The following FBXL7 variants were observed in gnomAD, a reference collection of about 807,000 sequenced individuals.
The protein encoded by FBXL7 is F-box/LRR-repeat protein 7.
In FBXL7, 12 loss-of-function variants were observed where a neutral mutation model predicts 38.3. The observed-to-expected ratio is 0.31, with a 90% CI of 0.20 to 0.51. The LOEUF (loss-of-function observed/expected upper bound fraction) is 0.51, where lower values mean the gene tolerates loss of function less well. FBXL7 is among the 20% of genes least tolerant of loss of function. The pLI, the probability that FBXL7 is intolerant of heterozygous loss-of-function variation, is 0.98. For missense variants in FBXL7, 567 were observed against 676.4 expected (o/e 0.84, Z 1.79); for synonymous variants, 297 against 300.9 (o/e 0.99, Z 0.13).
chr5:15,630,418 T>A (rs928191595), intron 2 of FBXL7, among the ~76,000 whole-genome samples: 2 of 152,170 alleles, frequency 1.3e-5, no homozygotes, highest in African/African-American at 4.8e-5. Flanking sequence ...ATTGGAGAAG[T>A]AACTTTCATT....
intron 2 of FBXL7, among the ~76,000 whole-genome samples, chr5:15,812,213 C>G (rs150320775): frequency 3.3e-5 from 5 of 152,232 alleles, no homozygotes; most frequent in Admixed American, 2.6e-4. Context: ...TGGAAACCAT[C>G]ATTCTCAGCA....
intron 3 of FBXL7, among the ~76,000 whole-genome samples, chr5:15,934,025 G>A (rs1742111248): frequency 6.6e-6 from 1 of 152,136 alleles, no homozygotes; most frequent in Non-Finnish European, 1.5e-5. Context: ...TCTATTTTGA[G>A]ATCAAGTCTT....
intron 2 of FBXL7, among the ~76,000 whole-genome samples, chr5:15,885,752 A>G (rs1740649868): frequency 6.6e-6 from 1 of 152,078 alleles, no homozygotes; most frequent in Non-Finnish European, 1.5e-5. Flanking sequence ...TCACTCTTCC[A>G]TCCAGGCAGG....
At chr5:15,882,092 A>G (rs966706499) in intron 2 of FBXL7, among the ~76,000 whole-genome samples, 3 of 152,148 alleles carry the variant, frequency 2.0e-5, no homozygotes, top group Admixed American at 2.0e-4. Context: ...CACTATCGTG[A>G]CGACAGCACC....
chr5:15,796,820 A>G (rs2126736839), intron 2 of FBXL7, among the ~76,000 whole-genome samples: 1 of 152,304 alleles, frequency 6.6e-6, no homozygotes, highest in South Asian at 2.1e-4. Context: ...AGGTTGGCCA[A>G]GTCAATGCTA....
intron 2 of FBXL7, among the ~76,000 whole-genome samples, chr5:15,892,175 A>G (rs528894792): frequency 3.3e-5 from 5 of 152,318 alleles, no homozygotes; most frequent in Middle Eastern, 3.4e-3. Flanking sequence ...GCCCTCCCAT[A>G]TCTTGAAGAC....
intron 2 of FBXL7, among the ~76,000 whole-genome samples, chr5:15,718,578 G>A (rs945610500): frequency 6.6e-6 from 1 of 152,186 alleles, no homozygotes; most frequent in Non-Finnish European, 1.5e-5. Context: ...AGGCATGCAG[G>A]CATCGTGATA....
Position 15,937,065 on chromosome 5 carries a change from A to G in FBXL7, c.1355A>G (p.Asn452Ser). 6.2e-7 allele frequency: 1 copy of G among 1,614,014 alleles called. No individual in the cohort carries two copies. Among genetic ancestry groups the G allele is most frequent in the Non-Finnish European group, 8.5e-7 (1 of 1,179,900 alleles). Residue 452 changes from asparagine (N) to serine (S), a missense_variant, in exon 4 of 4, where the codon AAC becomes AGC. Asn to Ser is a conservative substitution (Grantham distance 46). Coordinates refer to ENST00000504595, the MANE Select transcript of FBXL7 (RefSeq NM_012304.5). The stretch of plus-strand genomic sequence containing the variant: ...CAGGGCTTGCAGATCGTGGCCGCCA[A>G]CTGCTTTGACCTCCAGACGCTGAAT... ...TGQGLQIVAA[N>S]CFDLQTLNVQ...
chr5:15,793,301 A>G (rs1737325345), intron 2 of FBXL7, among the ~76,000 whole-genome samples: 1 of 152,062 alleles, frequency 6.6e-6, no homozygotes, highest in African/African-American at 2.4e-5. Context: ...GCAGGGCTGT[A>G]CTCCCTTGGA....
chr5:15,742,972 T>C (rs1319048090), intron 2 of FBXL7, among the ~76,000 whole-genome samples: 1 of 152,152 alleles, frequency 6.6e-6, no homozygotes, highest in Non-Finnish European at 1.5e-5. Flanking sequence ...CACACTCACA[T>C]GGAACACCAT....
At chr5:15,811,662 C>T (rs1010457220) in intron 2 of FBXL7, among the ~76,000 whole-genome samples, 2 of 151,780 alleles carry the variant, frequency 1.3e-5, no homozygotes, top group South Asian at 4.1e-4. Context: ...ATGACCCCAT[C>T]GAAAAGTGGG....
chr5:15,830,462 C>T (rs780472633), intron 2 of FBXL7, among the ~76,000 whole-genome samples: 5 of 143,762 alleles, frequency 3.5e-5, no homozygotes, highest in African/African-American at 1.0e-4. Flanking sequence ...CTAGCCTGGG[C>T]GACAGAGTGA....
chr5:15,691,626 T>A (rs1193508028), intron 2 of FBXL7, among the ~76,000 whole-genome samples: 3 of 152,200 alleles, frequency 2.0e-5, no homozygotes, highest in African/African-American at 2.4e-5. Flanking sequence ...TGCCCACTTT[T>A]CTTCTTTTGA....
At chr5:15,739,406 C>T (rs368833591) in intron 2 of FBXL7, among the ~76,000 whole-genome samples, 25 of 152,166 alleles carry the variant, frequency 1.6e-4, no homozygotes, top group Non-Finnish European at 2.2e-4. Flanking sequence ...ATTCACATAC[C>T]GTAGATTTCA....
Position 15,840,845 on chromosome 5 carries a change from CAAA to C in FBXL7, c.128-87025_128-87023del, listed in dbSNP as rs34448584. Among the ~76,000 whole-genome samples, 475 of 83,268 alleles carry C rather than the reference CAAA, an allele frequency of 5.7e-3. 11 individuals carry two copies. In the East Asian group the frequency reaches 0.099, roughly 17 times the overall value. The allele number at this position is 83,268 out of a possible 152,430, so 54.6% of individuals were successfully genotyped here. On this transcript the variant is annotated intron_variant, in intron 2 of 3. Coordinates refer to ENST00000504595, the MANE Select transcript of FBXL7 (RefSeq NM_012304.5). ...CTGGCAACAGAGCAAGACTCTGTCTCAAAAAAAAAAAAAAAAAAAAAAGTTATA... is the reference window on the plus strand; with the variant it reads ...CTGGCAACAGAGCAAGACTCTGTCTCAAAAAAAAAAAAAAAAAAAGTTATA...
intron 1 of FBXL7, among the ~76,000 whole-genome samples, chr5:15,612,291 A>C (rs1031687558): frequency 1.3e-5 from 2 of 152,180 alleles, no homozygotes; most frequent in African/African-American, 4.8e-5. Context: ...AAATACTGTC[A>C]TAGGGCATAA....
At chr5:15,564,622 G>C (rs959519320) in intron 1 of FBXL7, among the ~76,000 whole-genome samples, 15 of 152,110 alleles carry the variant, frequency 9.9e-5, no homozygotes, top group South Asian at 2.1e-4. Context: ...AGTAAAGAAA[G>C]AAAATCTTAT....
chr5:15,866,701 C>T lies in FBXL7; in HGVS notation c.128-61189C>T, dbSNP rs57030238. 3.4e-3 allele frequency among the ~76,000 whole-genome samples: 392 copies of T among 116,128 alleles called. 2 individuals are homozygous for T. Among genetic ancestry groups the T allele is most frequent in the African/African-American group, 0.012 (353 of 30,148 alleles). 76.2% of individuals were successfully genotyped at this position (116,128 alleles called of 152,430 possible). ...CAACAAGACCTGGCGTGTGTTGTTCCCCCTCTGTGTCCATGTGTTCTCATT... is the reference window on the plus strand; with the variant it reads ...CAACAAGACCTGGCGTGTGTTGTTCTCCCTCTGTGTCCATGTGTTCTCATT... On this transcript the variant is annotated intron_variant, in intron 2 of 3. Coordinates refer to ENST00000504595, the MANE Select transcript of FBXL7 (RefSeq NM_012304.5).
chr5:15,652,234 T>C (rs1202502782), intron 2 of FBXL7, among the ~76,000 whole-genome samples: 1 of 152,214 alleles, frequency 6.6e-6, no homozygotes. Flanking sequence ...TTATCATTTG[T>C]GTGTTCACTG....
Sources: allele counts gnomAD v4.1 joint callset (sites outside exome capture counted in the v4.1 genomes callset), GRCh38; gene constraint gnomAD v4.1.1; transcripts MANE v1.5; gene names NCBI Gene and HGNC (gene_info 2026-07-23, HGNC 2026-07-21).